Variants in PCLO observed in about 807,000 individuals in gnomAD.
PCLO encodes piccolo presynaptic cytomatrix protein.
PCLO carries 82 observed loss-of-function variants against 427.5 expected under a neutral mutation model. That is an observed-to-expected ratio of 0.19 (90% CI 0.16 to 0.23). PCLO has a LOEUF of 0.23. PCLO is among the 10% of genes least tolerant of loss of function. The pLI, the probability that PCLO is intolerant of heterozygous loss-of-function variation, is 1.00. For missense variants in PCLO, 6,239 were observed against 6,115.9 expected, an observed-to-expected ratio of 1.02 and a Z score of -0.67; for synonymous variants, 2,357 against 2,155.4, an observed-to-expected ratio of 1.09 and a Z score of -2.59.
At chr7:83,102,147 A>C (rs1378784375) in intron 3 of PCLO, among the ~76,000 whole-genome samples, 2 of 152,000 alleles carry the variant, frequency 1.3e-5, no homozygotes, top group African/African-American at 4.8e-5. Context: ...CATTTAGTAA[A>C]TATCACTTGA....
intron 3 of PCLO, among the ~76,000 whole-genome samples, chr7:83,052,340 T>C (rs1031083224): frequency 1.3e-5 from 2 of 151,854 alleles, no homozygotes; most frequent in Non-Finnish European, 2.9e-5. Context: ...ATAAAATCTA[T>C]TAAATAAAAA....
intron 3 of PCLO, among the ~76,000 whole-genome samples, chr7:83,031,419 A>C (rs578238436): frequency 6.6e-6 from 1 of 152,290 alleles, no homozygotes; most frequent in East Asian, 1.9e-4. Flanking sequence ...AATTTTTTAT[A>C]TTCAGAGCAA....
chr7:82,861,409 A>G lies in PCLO; in HGVS notation c.13655-14162T>C, dbSNP rs1472238334. Among the ~76,000 whole-genome samples the G allele has an allele frequency of 2.6e-5, 4 of 152,208 alleles. No homozygotes were observed. The East Asian group carries it at 7.7e-4, about 29-fold the overall frequency. ...GCTATAAGAAGAGACAAAGAAGTTC[A>G]CTATATAATGATAAAGAGGTCAATT... On this transcript the variant is annotated intron_variant, in intron 10 of 24. Transcript: ENST00000333891.
At chr7:82,832,800 T>C (rs1792127606) in intron 16 of PCLO, among the ~76,000 whole-genome samples, 2 of 140,696 alleles carry the variant, frequency 1.4e-5, no homozygotes, top group South Asian at 2.4e-4. Flanking sequence ...CTAAACTTAC[T>C]ACACACACAC....
chr7:83,106,999 A>C (rs2116507475), intron 3 of PCLO, among the ~76,000 whole-genome samples: 1 of 152,308 alleles, frequency 6.6e-6, no homozygotes, highest in East Asian at 1.9e-4. Flanking sequence ...CCAGTCTTAT[A>C]GAACACTTAA....
chr7:82,917,182 A>G (rs1441962233), intron 6 of PCLO, among the ~76,000 whole-genome samples: 1 of 152,240 alleles, frequency 6.6e-6, no homozygotes, highest in South Asian at 2.1e-4. Flanking sequence ...TTAACCATCT[A>G]AAATTTAAAT....
intron 3 of PCLO, among the ~76,000 whole-genome samples, chr7:83,024,842 G>C (rs561921565): frequency 1.1e-4 from 17 of 152,076 alleles, no homozygotes; most frequent in Non-Finnish European, 1.9e-4. Flanking sequence ...CACAGCAGGG[G>C]TACACTGACA....
Position 82,952,907 on chromosome 7 carries a change from G to C in PCLO, c.8046C>G (p.Thr2682=), listed in dbSNP as rs774568556. The change falls in exon 5 of 25, where the codon ACC becomes ACG. Residue 2682 remains threonine (T), a synonymous_variant. Transcript: ENST00000333891. ...GACCAACACTAGGAGCTGTACTTCT[G>C]GTTGCTGAAACCTCAGTCTTGGAAA... The part of the protein sequence containing the change: ...TEVSKTEVSA[T]RSTAPSVGLS... 1 of 1,613,908 alleles carries C rather than the reference G, an allele frequency of 6.2e-7. No homozygotes were observed. The highest frequency in any genetic ancestry group is 2.2e-5 in the East Asian group (1 of 44,858).
At chr7:82,959,077 T>A (rs1161895348) in intron 4 of PCLO, among the ~76,000 whole-genome samples, 1 of 148,624 alleles carries the variant, frequency 6.7e-6, no homozygotes, top group African/African-American at 2.4e-5. Flanking sequence ...CTTCTTACTA[T>A]TTTTTTTTAG....
chr7:83,065,498 T>TAAAAAAAAAAAAAA (rs780514400), intron 3 of PCLO, among the ~76,000 whole-genome samples: 1 of 104,168 alleles, frequency 9.6e-6, no homozygotes, highest in African/African-American at 3.5e-5. Context: ...GCTCAAAATG[T>TAAAAAAAAAAAAAA]AAAAAAAAAA....
intron 2 of PCLO, among the ~76,000 whole-genome samples, chr7:83,149,267 T>C (rs1012673759): frequency 6.6e-6 from 1 of 152,184 alleles, no homozygotes; most frequent in Non-Finnish European, 1.5e-5. Flanking sequence ...GCTTTTTATA[T>C]TTTTTGATTC....
chr7:82,789,602 G>A (rs1791058597), intron 22 of PCLO, among the ~76,000 whole-genome samples: 1 of 152,134 alleles, frequency 6.6e-6, no homozygotes, highest in Non-Finnish European at 1.5e-5. Flanking sequence ...CTACTCGGGA[G>A]GCTGAGGCAG....
chr7:82,977,385 TTTATTTA>T (rs1378754883), intron 3 of PCLO, among the ~76,000 whole-genome samples: 15 of 62,392 alleles, frequency 2.4e-4, no homozygotes, highest in South Asian at 6.1e-4. Context: ...ATCTTTTTTA[TTTATTTA>T]TTTATTTATT....
intron 6 of PCLO, among the ~76,000 whole-genome samples, chr7:82,929,164 T>C (rs1356019361): frequency 2.0e-5 from 3 of 152,148 alleles, no homozygotes; most frequent in Admixed American, 2.0e-4. Context: ...TATAATGACA[T>C]TATTTAATGG....
intron 3 of PCLO, among the ~76,000 whole-genome samples, chr7:83,000,173 C>A (rs1280630690): frequency 6.6e-6 from 1 of 150,872 alleles, no homozygotes; most frequent in Non-Finnish European, 1.5e-5. Flanking sequence ...CAGGGAAACA[C>A]CTTACTTACA....
At chr7:83,160,986 G>A (rs1350936607) in intron 1 of PCLO, among the ~76,000 whole-genome samples, 1 of 152,052 alleles carries the variant, frequency 6.6e-6, no homozygotes, top group Non-Finnish European at 1.5e-5. Flanking sequence ...AACTGGATAA[G>A]AGAACAAGAA....
intron 3 of PCLO, among the ~76,000 whole-genome samples, chr7:83,114,331 C>T (rs1006191777): frequency 2.0e-5 from 3 of 151,658 alleles, no homozygotes; most frequent in African/African-American, 7.3e-5. Context: ...GATGTGGGGT[C>T]AAGAGAAAGT....
At position 82,950,313 on chromosome 7, in the gene PCLO, G is replaced by A; in HGVS notation, c.10275C>T (p.Asp3425=). The A allele has an allele frequency of 6.2e-7, 1 of 1,613,408 alleles. No homozygotes were observed. Among genetic ancestry groups the A allele is most frequent in the Non-Finnish European group, 8.5e-7 (1 of 1,179,784 alleles). ...SGAKVRGQYD[D]MGENMTDDPR... is the part of the protein sequence containing the mutation. ...GATCATCTGTCATATTTTCTCCCAT[G>A]TCATCATACTGTCCTCGGACTTTAG... Residue 3425 remains aspartate (D), a synonymous_variant, in exon 6 of 25, where the codon GAC becomes GAT. Coordinates refer to ENST00000333891, the MANE Select transcript of PCLO (RefSeq NM_033026.6).
chr7:82,932,348 G>A (rs1282136165), intron 6 of PCLO, among the ~76,000 whole-genome samples: 2 of 151,944 alleles, frequency 1.3e-5, no homozygotes, highest in Non-Finnish European at 2.9e-5. Flanking sequence ...GGTTTGTTGT[G>A]GTAAATCTGA....
Sources: gnomAD v4.1 joint callset for allele counts (sites outside exome capture counted in the v4.1 genomes callset) on GRCh38, gnomAD v4.1.1 for gene constraint, MANE v1.5 for transcripts, NCBI Gene and HGNC (gene_info 2026-07-23, HGNC 2026-07-21) for gene names.